DLL4: variants seen among roughly 807,000 people sequenced by gnomAD.
DLL4 encodes the protein delta like canonical Notch ligand 4.
DLL4 carries 7 observed loss-of-function variants against 73.6 expected under a neutral mutation model. That is an observed-to-expected ratio of 0.10 (90% CI 0.05 to 0.18). DLL4 has a LOEUF of 0.18. Ranked by LOEUF, DLL4 falls within the 10% of genes least tolerant of loss-of-function variation. The pLI is 1.00. For missense variants in DLL4, 614 were observed against 929.9 expected, an observed-to-expected ratio of 0.66 and a Z score of 4.42; for synonymous variants, 345 against 374.3, an observed-to-expected ratio of 0.92 and a Z score of 0.90.
At chr15:40,934,800 G>T in intron 7 of DLL4, 83 bp downstream of exon 7, 1 of 1,587,224 alleles carries the variant, frequency 6.3e-7, no homozygotes, top group Non-Finnish European at 8.6e-7. Flanking sequence ...TGGATGTACA[G>T]CCATGGACAG....
In DLL4 at chr15:40,936,391, C is replaced by T. The variant is rs773340803; in HGVS notation, c.1404C>T (p.Ala468=). The stretch of plus-strand genomic sequence containing the variant: ...ATGGGCTCATGTGCACCTGCCCTGC[C>T]GGCTTCTCTGGCCGACGCTGTGAGG... ...LENGLMCTCP[A]GFSGRRCEVR... Residue 468 remains alanine (A), a synonymous_variant, in exon 9 of 11, where the codon GCC becomes GCT. Transcript: ENST00000249749. 17 of 1,611,760 alleles carry T rather than the reference C, an allele frequency of 1.1e-5. No homozygotes were observed. In the East Asian group the frequency reaches 1.3e-4, roughly 13 times the overall value.
chr15:40,933,061 G>T (rs1596193244), intron 6 of DLL4, among the ~76,000 whole-genome samples: 1 of 152,226 alleles, frequency 6.6e-6, no homozygotes, highest in Admixed American at 6.5e-5. Context: ...CCCCAACCTT[G>T]GGGGAGGAGG....
In DLL4 at chr15:40,930,725, A is replaced by T; in HGVS notation, c.394+43A>T. On this transcript the variant is annotated intron_variant, in intron 3 of 10. Transcript: ENST00000249749. The surrounding 1 kb of genome is among the most constrained non-coding windows in gnomAD (Gnocchi z 5.7). Reference sequence around the variant, plus strand: ...CCACCACAGGGGGGCGACACGGCGCAGCGCCGAAAGAGTTAATCTGTTCTA... The same window carrying T: ...CCACCACAGGGGGGCGACACGGCGCTGCGCCGAAAGAGTTAATCTGTTCTA... 1 of 1,592,086 alleles carries T rather than the reference A, an allele frequency of 6.3e-7. No individual in the cohort carries two copies. Among genetic ancestry groups the T allele is most frequent in the Non-Finnish European group, 8.6e-7 (1 of 1,161,622 alleles).
rs759990285 is a variant in DLL4 at position 40,936,782 on chromosome 15, G to A, written c.1795G>A (p.Gly599Ser). 1.2e-5 allele frequency: 19 copies of A among 1,613,698 alleles called. No homozygotes were observed. The highest frequency in any genetic ancestry group is 1.7e-5 in the Admixed American group (1 of 60,012). The change falls in exon 9 of 11, where the codon GGC (glycine) becomes AGC (serine). Residue 599 changes from glycine (G) to serine (S), a missense_variant. Physicochemically the swap from Gly to Ser is moderately conservative, Grantham distance 56. Around this residue, in one of 3 missense-constraint regions of DLL4, gnomAD observed 386 missense variants for 541.3 expected, o/e 0.71. Transcript: ENST00000249749. ...NQKKELEVDC[G>S]LDKSNCGKQQ... Reference sequence around the variant, plus strand: ...GAAGAAGGAGCTGGAAGTGGACTGTGGCCTGGACAAGTCCAACTGTGGCAA... The same window carrying A: ...GAAGAAGGAGCTGGAAGTGGACTGTAGCCTGGACAAGTCCAACTGTGGCAA...
At chr15:40,931,468 C>T (rs370044023) in intron 3 of DLL4, 35 bp from the exon 4 acceptor site, 16 of 1,586,424 alleles carry the variant, frequency 1.0e-5, no homozygotes, top group African/African-American at 8.1e-5. Context: ...TGGGGACTGG[C>T]GACCCTTCCC....
chr15:40,929,944 G>A lies in DLL4; in HGVS notation c.164G>A (p.Arg55Gln), dbSNP rs1186769204. The change falls in exon 2 of 11, where the codon CGG becomes CAG. Residue 55 changes from arginine (R) to glutamine (Q), a missense_variant. Transcript: ENST00000249749. This position sits in a 1 kb window ranked among gnomAD's most constrained non-coding sequence, Gnocchi z 7.1. ...ASGRPCEPGCRTFFRVCLKHF... is the reference protein window; with the variant it reads ...ASGRPCEPGCQTFFRVCLKHF... ...GGGCGGCCTTGCGAGCCCGGCTGCC[G>A]GACTTTCTTCCGCGTCTGCCTTAAG... is the stretch of plus-strand genomic sequence containing the variant. 7 of 1,613,140 alleles carry A rather than the reference G, an allele frequency of 4.3e-6. No individual in the cohort carries two copies. The African/African-American group carries it at 6.7e-5, about 15-fold the overall frequency.
At chr15:40,937,365 C>T in intron 9 of DLL4, 53 bp from the exon 10 acceptor site, 4 of 1,296,280 alleles carry the variant, frequency 3.1e-6, no homozygotes, top group Non-Finnish European at 4.5e-6. Context: ...GTCCTCCCTC[C>T]CCCCAAGCCT....
In DLL4 at chr15:40,932,358, T is replaced by C; in HGVS notation, c.761T>C (p.Ile254Thr). 1 of 1,613,908 alleles carries C rather than the reference T, an allele frequency of 6.2e-7. No individual in the cohort carries two copies. Among genetic ancestry groups the C allele is most frequent in the Non-Finnish European group, 8.5e-7 (1 of 1,179,892 alleles). The change falls in exon 6 of 11, where the codon ATC (isoleucine) becomes ACC (threonine). Residue 254 changes from isoleucine (I) to threonine (T), a missense_variant. This residue lies in a region of DLL4 where 227 missense variants were observed against 370.8 expected (regional missense o/e 0.61). Coordinates refer to ENST00000249749, the MANE Select transcript of DLL4 (RefSeq NM_019074.4). Reference protein sequence around the residue: ...GWQGRLCNECIPHNGCRHGTC... With the variant: ...GWQGRLCNECTPHNGCRHGTC... ...CAGGGCCGGCTGTGTAACGAATGCATCCCCCACAATGGCTGTCGCCACGGC... is the reference window on the plus strand; with the variant it reads ...CAGGGCCGGCTGTGTAACGAATGCACCCCCCACAATGGCTGTCGCCACGGC...
chr15:40,930,657 C>T lies in DLL4; in HGVS notation c.369C>T (p.His123=), dbSNP rs187700175. 3.8e-3 allele frequency: 6,196 copies of T among 1,613,834 alleles called. 39 individuals carry two copies. The highest frequency in any genetic ancestry group is 0.017 in the South Asian group (1,523 of 91,058). ...TCTCGCTCATCATCGAAGCTTGGCA[C>T]GCGCCAGGAGACGACCTGCGGCCAG... is the stretch of plus-strand genomic sequence containing the variant. ...GTFSLIIEAW[H]APGDDLRPEA... Residue 123 remains histidine (H), a synonymous_variant, in exon 3 of 11, where the codon CAC becomes CAT. Transcript: ENST00000249749. This position sits in a 1 kb window ranked among gnomAD's most constrained non-coding sequence, Gnocchi z 5.7.
chr15:40,930,760 A>C lies in DLL4; in HGVS notation c.394+78A>C. The stretch of plus-strand genomic sequence containing the variant: ...GAGTTAATCTGTTCTAGGCGGGGGA[A>C]GTGCGGGCTTGGGGGTGGGAGGCAG... On this transcript the variant is annotated intron_variant, in intron 3 of 10. Coordinates refer to ENST00000249749, the MANE Select transcript of DLL4 (RefSeq NM_019074.4). The surrounding 1 kb of genome is among the most constrained non-coding windows in gnomAD (Gnocchi z 5.7). 7.3e-7 allele frequency: 1 copy of C among 1,364,914 alleles called. No homozygotes were observed. Among genetic ancestry groups the C allele is most frequent in the Non-Finnish European group, 1.0e-6 (1 of 970,124 alleles). 84.6% of individuals were successfully genotyped at this position (1,364,914 alleles called of 1,614,324 possible).
chr15:40,936,886 C>G lies in DLL4; in HGVS notation c.1899C>G (p.His633Gln), dbSNP rs1171050363. Residue 633 changes from histidine (H) to glutamine (Q), a missense_variant, in exon 9 of 11, where the codon CAC becomes CAG. His to Gln is a conservative substitution (Grantham distance 24, BLOSUM62 0). Transcript: ENST00000249749. ...GGACCATGCCAGGAAAGTTTCCCCA[C>G]AGTGACAAGAGCTTAGGAGAGAAGG... Reference protein sequence around the residue: ...GRGTMPGKFPHSDKSLGEKAP... With the variant: ...GRGTMPGKFPQSDKSLGEKAP... 3 of 1,612,494 alleles carry G rather than the reference C, an allele frequency of 1.9e-6. No homozygotes were observed. In the East Asian group the frequency reaches 6.7e-5, roughly 36 times the overall value.
rs528350558 is a variant in DLL4, at chr15:40,931,113, C to G, written c.395-390C>G. The G allele has an allele frequency of 2.4e-5, 9 of 372,038 alleles. No individual in the cohort carries two copies. In the South Asian group the frequency reaches 3.9e-4, roughly 16 times the overall value. The allele number at this position is 372,038 out of a possible 1,614,324, so 23.0% of individuals were successfully genotyped here. On this transcript the variant is annotated intron_variant, in intron 3 of 10. Coordinates refer to ENST00000249749, the MANE Select transcript of DLL4 (RefSeq NM_019074.4). ...CATTACCCACCTCTGGAGGCAGAAC[C>G]CCTGAATGGGCACCAAAGGACCCCC...
chr15:40,930,869 T>C lies in DLL4; in HGVS notation c.394+187T>C, dbSNP rs1892760069. ...CCTGGACTCAGAGCACAATTGCGTT[T>C]CCTGCGGGTTATTTTTGGCGTGGGA... On this transcript the variant is annotated intron_variant, in intron 3 of 10. Coordinates refer to ENST00000249749, the MANE Select transcript of DLL4 (RefSeq NM_019074.4). The surrounding 1 kb of genome is among the most constrained non-coding windows in gnomAD (Gnocchi z 5.7). 1 of 632,906 alleles carries C rather than the reference T, an allele frequency of 1.6e-6. No homozygotes were observed. The highest frequency in any genetic ancestry group is 2.7e-6 in the Non-Finnish European group (1 of 367,348). 39.2% of individuals were successfully genotyped at this position (632,906 alleles called of 1,614,324 possible).
At chr15:40,931,919 ACCT>A (rs1892776375) in intron 4 of DLL4, among the ~76,000 whole-genome samples, 153 bp downstream of exon 4, 1 of 151,914 alleles carries the variant, frequency 6.6e-6, no homozygotes, top group Non-Finnish European at 1.5e-5. Context: ...TTGACCTCAG[ACCT>A]CCTGTCTCTT....
At chr15:40,931,471 C>T (rs1246929060) in intron 3 of DLL4, 32 bp from the exon 4 acceptor site, 1 of 1,592,198 alleles carries the variant, frequency 6.3e-7, no homozygotes, top group Non-Finnish European at 8.5e-7. Flanking sequence ...GGACTGGCGA[C>T]CCTTCCCTGA....
intron 9 of DLL4, 130 bp downstream of exon 9, chr15:40,937,060 G>A (rs1372681665): frequency 1.3e-6 from 1 of 758,688 alleles, no homozygotes; most frequent in Admixed American, 3.0e-5. Flanking sequence ...TCCTCCAGTA[G>A]GATTTCTGTC....
chr15:40,932,396 C>G lies in DLL4; in HGVS notation c.799C>G (p.Pro267Ala). 1 of 1,613,986 alleles carries G rather than the reference C, an allele frequency of 6.2e-7. No individual in the cohort carries two copies. Among genetic ancestry groups the G allele is most frequent in the African/African-American group, 1.3e-5 (1 of 75,068 alleles). The change falls in exon 6 of 11, where the codon CCC becomes GCC. Residue 267 changes from proline to alanine, a missense_variant. This residue lies in a region of DLL4 where 227 missense variants were observed against 370.8 expected (regional missense o/e 0.61). Coordinates refer to ENST00000249749, the MANE Select transcript of DLL4 (RefSeq NM_019074.4). Reference sequence around the variant, plus strand: ...CTGTCGCCACGGCACCTGCAGCACTCCCTGGCAATGTACTTGTGATGAGGG... The same window carrying G: ...CTGTCGCCACGGCACCTGCAGCACTGCCTGGCAATGTACTTGTGATGAGGG... ...NGCRHGTCST[P>A]WQCTCDEGWG...
At chr15:40,931,816 AAC>A (rs1246802328) in intron 4 of DLL4, 50 bp downstream of exon 4, 9 of 1,601,808 alleles carry the variant, frequency 5.6e-6, no homozygotes, top group Non-Finnish European at 7.7e-6. Context: ...CCCCTGAGGA[AAC>A]ACAGTGGAGC....
At chr15:40,935,204 G>A in intron 8 of DLL4, 87 bp downstream of exon 8, 4 of 1,286,244 alleles carry the variant, frequency 3.1e-6, no homozygotes, top group South Asian at 1.4e-5. Context: ...GAGGAGCGAG[G>A]CATTGTCTGC....
Sources: allele counts gnomAD v4.1 joint callset (sites outside exome capture counted in the v4.1 genomes callset), GRCh38; gene constraint gnomAD v4.1.1; regional missense constraint gnomAD v4.1.1; non-coding constraint Gnocchi (gnomAD v3.1); transcripts MANE v1.5; gene names NCBI Gene and HGNC (gene_info 2026-07-23, HGNC 2026-07-21).